The following ARHGAP6 variants were observed in gnomAD, a reference collection of about 807,000 sequenced individuals.
ARHGAP6 encodes the protein rho GTPase-activating protein 6.
ARHGAP6 carries 16 observed loss-of-function variants against 55.7 expected under a neutral mutation model. That is an observed-to-expected ratio of 0.29 (90% CI 0.19 to 0.44). The LOEUF is 0.44. Ranked by LOEUF, ARHGAP6 falls within the 20% of genes least tolerant of loss-of-function variation. The pLI, the probability that ARHGAP6 is intolerant of heterozygous loss-of-function variation, is 1.00. For synonymous variants in ARHGAP6, 382 were observed against 360.9 expected, an observed-to-expected ratio of 1.06 and a Z score of -0.66; for missense variants, 698 against 808.9, an observed-to-expected ratio of 0.86 and a Z score of 1.66.
At chrX:11,567,566 A>AAAAAATATATATATAT (rs1440758737) in intron 1 of ARHGAP6, among the ~76,000 whole-genome samples, 2 of 84,409 alleles carry the variant, frequency 2.4e-5, no homozygotes, top group African/African-American at 9.5e-5. Context: ...AAAAAAAAAA[A>AAAAAATATATATATAT]ATATATATAT....
At chrX:11,491,258 A>G (rs1336350914) in intron 1 of ARHGAP6, among the ~76,000 whole-genome samples, 3 of 111,762 alleles carry the variant, frequency 2.7e-5, no homozygotes, top group Non-Finnish European at 3.8e-5. Context: ...GGGTACATGC[A>G]CACAATGTGC....
intron 1 of ARHGAP6, among the ~76,000 whole-genome samples, chrX:11,457,130 A>G (rs1426455897): frequency 8.9e-6 from 1 of 111,825 alleles, no homozygotes; most frequent in Non-Finnish European, 1.9e-5. Context: ...ATAGGTCTGA[A>G]ATTTTACTCT....
intron 5 of ARHGAP6, among the ~76,000 whole-genome samples, chrX:11,182,800 T>C (rs1023271342): frequency 9.2e-6 from 1 of 109,227 alleles, no homozygotes; most frequent in Non-Finnish European, 1.9e-5. Flanking sequence ...CATGCCTGAC[T>C]AATTTTTGTA....
intron 1 of ARHGAP6, among the ~76,000 whole-genome samples, chrX:11,596,479 G>A (rs909576281): frequency 9.0e-6 from 1 of 111,091 alleles, no homozygotes; most frequent in African/African-American, 3.3e-5. Context: ...TGTAGGTGAC[G>A]GGTTGATGGG....
At chrX:11,254,432 T>C in intron 2 of ARHGAP6, 116 bp downstream of exon 2, 1 of 971,150 alleles carries the variant, frequency 1.0e-6, no homozygotes, top group South Asian at 3.0e-5. Flanking sequence ...ACCAAGAAGC[T>C]GTAGTTTCCT....
intron 1 of ARHGAP6, among the ~76,000 whole-genome samples, chrX:11,483,434 A>G (rs1277052802): frequency 9.0e-6 from 1 of 111,605 alleles, no homozygotes; most frequent in East Asian, 2.8e-4. Context: ...CTATCCCCCA[A>G]AATAAGAGTG....
intron 1 of ARHGAP6, among the ~76,000 whole-genome samples, chrX:11,353,549 A>AGT (rs200177159): frequency 0.096 from 7,914 of 82,332 alleles, 418 homozygotes; most frequent in Non-Finnish European, 0.13. Flanking sequence ...TATTGCTTAT[A>AGT]GTGTGTGTGT....
chrX:11,559,592 A>G (rs1468195489), intron 1 of ARHGAP6, among the ~76,000 whole-genome samples: 1 of 111,820 alleles, frequency 8.9e-6, no homozygotes, highest in Non-Finnish European at 1.9e-5. Context: ...AACAGGTTTA[A>G]TAACTATTTA....
intron 1 of ARHGAP6, among the ~76,000 whole-genome samples, chrX:11,584,458 T>C (rs1377696978): frequency 9.0e-6 from 1 of 111,621 alleles, no homozygotes; most frequent in Non-Finnish European, 1.9e-5. Context: ...ATTTTACTGA[T>C]GTGGCCAGCT....
At chrX:11,648,104 G>A (rs2052548529) in intron 1 of ARHGAP6, among the ~76,000 whole-genome samples, 1 of 112,015 alleles carries the variant, frequency 8.9e-6, no homozygotes, top group African/African-American at 3.2e-5. Flanking sequence ...GTACAGTAGG[G>A]TAACTATACC....
chrX:11,568,481 T>C (rs1045732111), intron 1 of ARHGAP6, among the ~76,000 whole-genome samples: 1 of 112,509 alleles, frequency 8.9e-6, no homozygotes, highest in Non-Finnish European at 1.9e-5. Flanking sequence ...AATAGAAAAC[T>C]GTAGTTCTGG....
At chrX:11,532,128 C>A (rs1030233791) in intron 1 of ARHGAP6, among the ~76,000 whole-genome samples, 2 of 112,205 alleles carry the variant, frequency 1.8e-5, no homozygotes, top group African/African-American at 6.5e-5. Flanking sequence ...ATCTCTAATA[C>A]AGTTCATGGT....
At chrX:11,645,992 T>G (rs975716201) in intron 1 of ARHGAP6, among the ~76,000 whole-genome samples, 1 of 103,886 alleles carries the variant, frequency 9.6e-6, no homozygotes, top group Non-Finnish European at 2.0e-5. Flanking sequence ...TGTATTAAAC[T>G]GTTTTCACAT....
intron 1 of ARHGAP6, among the ~76,000 whole-genome samples, chrX:11,395,194 A>C (rs746153911): frequency 3.1e-4 from 35 of 111,976 alleles, no homozygotes; most frequent in Non-Finnish European, 6.0e-4. Context: ...CAAAATCAAC[A>C]CATAAGAACT....
intron 4 of ARHGAP6, among the ~76,000 whole-genome samples, chrX:11,187,152 G>A (rs1246631253): frequency 9.0e-6 from 1 of 111,424 alleles, no homozygotes; most frequent in Non-Finnish European, 1.9e-5. Flanking sequence ...GCCTCTGGTG[G>A]GGGCAGAGAG....
rs745548040 is a variant in ARHGAP6, at chrX:11,631,540, T to G, written c.588+32701A>C. On this transcript the variant is annotated intron_variant, in intron 1 of 12. Coordinates refer to ENST00000337414, the MANE Select transcript of ARHGAP6 (RefSeq NM_013427.3). ...AAACTCCGTCTAAAAAAAAAAAAAG[T>G]AAAATGGACTTTATTTCCAGTGTCT... is the stretch of plus-strand genomic sequence containing the variant. Among the ~76,000 whole-genome samples the G allele has an allele frequency of 1.3e-3, 142 of 107,514 alleles. 1 individual carries two copies. Among genetic ancestry groups the G allele is most frequent in the Non-Finnish European group, 2.4e-3 (123 of 51,807 alleles). The allele number at this position is 107,514 out of a possible 115,157, so 93.4% of individuals were successfully genotyped here.
At chrX:11,202,181 G>A (rs774152559) in intron 2 of ARHGAP6, among the ~76,000 whole-genome samples, 12 of 110,776 alleles carry the variant, frequency 1.1e-4, no homozygotes, top group South Asian at 3.9e-4. Flanking sequence ...CAGTCTTTCC[G>A]GAGTTGTAGC....
chrX:11,577,299 A>G (rs1484349768), intron 1 of ARHGAP6, among the ~76,000 whole-genome samples: 1 of 112,236 alleles, frequency 8.9e-6, no homozygotes, highest in Non-Finnish European at 1.9e-5. Context: ...GAAAGAAGTC[A>G]ATAAAACATG....
intron 1 of ARHGAP6, among the ~76,000 whole-genome samples, chrX:11,401,669 G>A (rs994177322): frequency 9.0e-6 from 1 of 111,731 alleles, no homozygotes; most frequent in Admixed American, 9.5e-5. Flanking sequence ...CATGTTAAGA[G>A]CTACAGGAGG....
Sources: allele counts gnomAD v4.1 joint callset (sites outside exome capture counted in the v4.1 genomes callset), GRCh38; gene constraint gnomAD v4.1.1; transcripts MANE v1.5; gene names NCBI Gene and HGNC (gene_info 2026-07-23, HGNC 2026-07-21).